The following BAZ2B variants were observed in gnomAD, a reference collection of about 807,000 sequenced individuals.
BAZ2B encodes the protein bromodomain adjacent to zinc finger domain protein 2B.
BAZ2B carries 91 observed loss-of-function variants against 246.0 expected under a neutral mutation model. The ratio of observed to expected loss-of-function variants is 0.37; its 90% CI spans 0.31 to 0.44. The LOEUF is 0.44. Among genes scored for constraint, BAZ2B ranks in the 20% least tolerant of loss-of-function variants. The pLI is 1.00. For synonymous variants in BAZ2B, 855 were observed against 860.0 expected (o/e 0.99, Z 0.10); for missense variants, 2,332 against 2,533.7 (o/e 0.92, Z 1.71).
At chr2:159,385,564 C>A (rs1308229639) in intron 22 of BAZ2B, among the ~76,000 whole-genome samples, 195 bp from the exon 23 acceptor site, 1 of 151,614 alleles carries the variant, frequency 6.6e-6, no homozygotes, top group African/African-American at 2.4e-5. Flanking sequence ...TCTTTCTTTC[C>A]CCGCTTCAAA....
intron 31 of BAZ2B, among the ~76,000 whole-genome samples, chr2:159,345,338 C>A (rs2067600959): frequency 3.5e-5 from 1 of 28,358 alleles, no homozygotes; most frequent in East Asian, 1.8e-3. Context: ...GGATATTATT[C>A]TTAACAGAAA....
chr2:159,493,603 T>C (rs747988911), intron 2 of BAZ2B, among the ~76,000 whole-genome samples: 1 of 152,234 alleles, frequency 6.6e-6, no homozygotes, highest in Non-Finnish European at 1.5e-5. Flanking sequence ...ATACTTACCA[T>C]TACTAAAATG....
In BAZ2B at chr2:159,328,206, G is replaced by A. The variant is rs908595537; in HGVS notation, c.5944-2288C>T. 2.0e-4 allele frequency among the ~76,000 whole-genome samples: 30 copies of A among 151,864 alleles called. 1 individual carries two copies. Among genetic ancestry groups the A allele is most frequent in the African/African-American group, 7.3e-4 (30 of 41,350 alleles). Reference sequence around the variant, plus strand: ...TAGTGCACCTACACATACTTTAAAAGCAAACTTTTATCAAGTTACTCTGTT... The same window carrying A: ...TAGTGCACCTACACATACTTTAAAAACAAACTTTTATCAAGTTACTCTGTT... On this transcript the variant is annotated intron_variant, in intron 34 of 36. Transcript: ENST00000392783.
chr2:159,326,187 T>C (rs1246934290), intron 34 of BAZ2B, among the ~76,000 whole-genome samples: 1 of 152,200 alleles, frequency 6.6e-6, no homozygotes, highest in Non-Finnish European at 1.5e-5. Context: ...CTACAGAAGG[T>C]GTCTGTAGTA....
In BAZ2B at chr2:159,319,531, T is replaced by C. The variant is rs968733873; in HGVS notation, c.*734A>G. 1 of 152,620 alleles carries C rather than the reference T, an allele frequency of 6.6e-6. No homozygotes were observed. Among genetic ancestry groups the C allele is most frequent in the African/African-American group, 2.4e-5 (1 of 41,442 alleles). 9.5% of individuals were successfully genotyped at this position (152,620 alleles called of 1,614,324 possible). On this transcript the variant is annotated 3_prime_UTR_variant, in exon 37 of 37. Coordinates refer to ENST00000392783, the MANE Select transcript of BAZ2B (RefSeq NM_013450.4). This position sits in a 1 kb window ranked among gnomAD's most constrained non-coding sequence, Gnocchi z 4.0. ...AATGTCTGCAAACAATATATACACA[T>C]AATACATATTTAAAACAAGACTTAA...
intron 2 of BAZ2B, among the ~76,000 whole-genome samples, chr2:159,510,554 C>G (rs941859105): frequency 1.3e-5 from 2 of 151,922 alleles, no homozygotes; most frequent in African/African-American, 4.8e-5. Context: ...GGTTGTACAG[C>G]GCTGTGAATG....
Position 159,386,382 on chromosome 2 carries a change from A to G in BAZ2B, c.3442T>C (p.Cys1148Arg), listed in dbSNP as rs753022432. The change falls in exon 22 of 37, where the codon TGT becomes CGT. Residue 1148 changes from cysteine (C) to arginine (R), a missense_variant. By Grantham distance (180) the Cys-to-Arg change is radical. Transcript: ENST00000392783. ...LLVRLLSAAV[C>R]DPGLITGYKA... ...TATCCTGTTATTAGACCTGGATCAC[A>G]TACAGCAGCTGAGAGGAGCCTCACA... 1.7e-5 allele frequency: 28 copies of G among 1,613,258 alleles called. No homozygotes were observed. Among genetic ancestry groups the G allele is most frequent in the Non-Finnish European group, 2.4e-5 (28 of 1,179,582 alleles).
chr2:159,453,006 A>G (rs2150460254), intron 4 of BAZ2B, among the ~76,000 whole-genome samples: 1 of 152,364 alleles, frequency 6.6e-6, no homozygotes, highest in African/African-American at 2.4e-5. Context: ...AGGCTGAGAC[A>G]GGAGAACTGC....
intron 2 of BAZ2B, among the ~76,000 whole-genome samples, chr2:159,493,888 G>T (rs899955291): frequency 6.6e-6 from 1 of 152,102 alleles, no homozygotes; most frequent in Admixed American, 6.6e-5. Flanking sequence ...AAAAAGAACT[G>T]AACAGAAAAA....
intron 13 of BAZ2B, among the ~76,000 whole-genome samples, chr2:159,420,080 T>A (rs1487866991): frequency 2.0e-5 from 3 of 152,234 alleles, no homozygotes; most frequent in South Asian, 2.1e-4. Flanking sequence ...TACTGTTTTA[T>A]CTTCCTCAGA....
At chr2:159,453,517 C>CA in intron 4 of BAZ2B, 96 bp downstream of exon 4, 2 of 1,325,894 alleles carry the variant, frequency 1.5e-6, no homozygotes, top group South Asian at 3.6e-5. Flanking sequence ...ATATACCAGG[C>CA]ATTAGACTAT....
intron 27 of BAZ2B, among the ~76,000 whole-genome samples, chr2:159,363,904 T>C (rs1458500424): frequency 3.9e-5 from 6 of 152,148 alleles, no homozygotes; most frequent in Non-Finnish European, 8.8e-5. Flanking sequence ...TTGAGCTTCA[T>C]CCACACAAAC....
At chr2:159,577,434 T>C (rs544110823) in intron 1 of BAZ2B, among the ~76,000 whole-genome samples, 15 of 152,228 alleles carry the variant, frequency 9.9e-5, no homozygotes, top group Non-Finnish European at 2.1e-4. Flanking sequence ...TCTGCATTAG[T>C]TACACTTTCT....
At chr2:159,508,562 A>G (rs1027616775) in intron 2 of BAZ2B, among the ~76,000 whole-genome samples, 5 of 152,080 alleles carry the variant, frequency 3.3e-5, no homozygotes, top group Non-Finnish European at 5.9e-5. Context: ...GTTCCTACTT[A>G]AGATTCAAAT....
the BAZ2B span, among the ~76,000 whole-genome samples, chr2:159,709,146 A>G: frequency 4.5e-5 from 2 of 44,828 alleles, no homozygotes; most frequent in East Asian, 3.6e-4. Context: ...ATAAAAAAAG[A>G]AAAAAAAAAA....
intron 1 of BAZ2B, among the ~76,000 whole-genome samples, chr2:159,591,487 A>C (rs1689382972): frequency 6.6e-6 from 1 of 152,242 alleles, no homozygotes; most frequent in South Asian, 2.1e-4. Context: ...ATAACAGCTA[A>C]GTGGGGAAAG....
rs571093131 is a variant in BAZ2B at position 159,438,530 on chromosome 2, A to G, written c.1066T>C (p.Phe356Leu). 7.5e-5 allele frequency: 121 copies of G among 1,614,044 alleles called. No homozygotes were observed. The highest frequency in any genetic ancestry group is 9.2e-5 in the Non-Finnish European group (109 of 1,180,016). The part of the protein sequence containing the change: ...QPQVLSQQLP[F>L]IFQSSQAKEE... ...TTTGCCTGAGAGCTTTGGAAAATAAATGGAAGCTGCTGTGACAAAACCTGA... is the reference window on the plus strand; with the variant it reads ...TTTGCCTGAGAGCTTTGGAAAATAAGTGGAAGCTGCTGTGACAAAACCTGA... The change falls in exon 8 of 37, where the codon TTT (phenylalanine) becomes CTT (leucine). Residue 356 changes from phenylalanine to leucine, a missense_variant. By Grantham distance (22) the Phe-to-Leu change is conservative (BLOSUM62 0). This residue lies in a region of BAZ2B where 161 missense variants were observed against 225.8 expected (regional missense o/e 0.71). Coordinates refer to ENST00000392783, the MANE Select transcript of BAZ2B (RefSeq NM_013450.4).
intron 1 of BAZ2B, among the ~76,000 whole-genome samples, chr2:159,598,854 A>G: frequency 6.6e-6 from 1 of 152,226 alleles, no homozygotes; most frequent in Non-Finnish European, 1.5e-5. Flanking sequence ...TGTCACAAAA[A>G]TAAGTAAATA....
intron 2 of BAZ2B, among the ~76,000 whole-genome samples, chr2:159,482,162 T>C (rs1464558327): frequency 2.7e-5 from 4 of 148,420 alleles, no homozygotes; most frequent in African/African-American, 9.8e-5. Flanking sequence ...AAGTCTTCCA[T>C]ATAGTAAGCA....
Sources: allele counts gnomAD v4.1 joint callset (sites outside exome capture counted in the v4.1 genomes callset), GRCh38; gene constraint gnomAD v4.1.1; regional missense constraint gnomAD v4.1.1; non-coding constraint Gnocchi (gnomAD v3.1); transcripts MANE v1.5; gene names NCBI Gene and HGNC (gene_info 2026-07-23, HGNC 2026-07-21).